The following P2RX1 variants were observed in gnomAD, a reference collection of about 807,000 sequenced individuals.
P2RX1 encodes the protein P2X purinoceptor 1.
A neutral mutation model predicts 50.3 loss-of-function variants in P2RX1; 42 were observed. The ratio of observed to expected loss-of-function variants is 0.83; its 90% CI spans 0.65 to 1.08. The LOEUF is 1.08. P2RX1 is among the 50% of genes least tolerant of loss of function. The probability of loss-of-function intolerance (pLI) is 0.00; values close to 1 mark genes in which losing one functional copy is unlikely to be tolerated. For missense variants in P2RX1, 449 were observed against 529.0 expected, an observed-to-expected ratio of 0.85 and a Z score of 1.48; for synonymous variants, 199 against 202.6, an observed-to-expected ratio of 0.98 and a Z score of 0.15.
rs758425656 is a variant in P2RX1 at position 3,904,893 on chromosome 17, C to T, written c.322G>A (p.Val108Met). Residue 108 changes from valine to methionine, a missense_variant, in exon 3 of 12, where the codon GTG becomes ATG. Physicochemically the swap from Val to Met is conservative, Grantham distance 21. Coordinates refer to ENST00000225538, the MANE Select transcript of P2RX1 (RefSeq NM_002558.4). ...NSFVVMTNFI[V>M]TPKQTQGYCA... ...TAGCCTTGAGTCTGCTTCGGGGTCA[C>T]GATGAAATTGGTCATGACCACGAAG... 43 of 1,460,344 alleles carry T rather than the reference C, an allele frequency of 2.9e-5. No homozygotes were observed. The South Asian group carries it at 3.8e-4, about 13-fold the overall frequency. The allele number at this position is 1,460,344 out of a possible 1,614,324, so 90.5% of individuals were successfully genotyped here.
At chr17:3,915,834 G>T (rs140575521) in intron 1 of P2RX1, 2 of 631,558 alleles carry the variant, frequency 3.2e-6, no homozygotes, top group Admixed American at 4.2e-5. Flanking sequence ...ATAACACTGA[G>T]CCGGCTCCTC....
chr17:3,912,394 G>A lies in P2RX1; in HGVS notation c.137+3695C>T, dbSNP rs964826185. ...TGCCCAGGCTGGAGTGCAGTGGTGC[G>A]ATCTCGGCTCACTGCCATCTCCGCC... On this transcript the variant is annotated intron_variant, in intron 1 of 11. Coordinates refer to ENST00000225538, the MANE Select transcript of P2RX1 (RefSeq NM_002558.4). 6.6e-5 allele frequency among the ~76,000 whole-genome samples: 10 copies of A among 151,726 alleles called. No individual in the cohort carries two copies. In the East Asian group the frequency reaches 1.2e-3, roughly 18 times the overall value.
At chr17:3,904,472 C>T in intron 3 of P2RX1, 73 bp from the exon 4 acceptor site, 6 of 1,352,854 alleles carry the variant, frequency 4.4e-6, no homozygotes, top group Non-Finnish European at 6.3e-6. Flanking sequence ...TCCCCACCCC[C>T]CAGGGCCCTA....
At chr17:3,915,587 A>T in intron 1 of P2RX1, 1 of 456,902 alleles carries the variant, frequency 2.2e-6, no homozygotes, top group South Asian at 1.5e-5. Context: ...GGTATTCAGA[A>T]TGTGAGAGTT....
In P2RX1 at chr17:3,897,635, G is replaced by A. The variant is rs994025793; in HGVS notation, c.*179C>T. ...CCTCAGGGTGTGTGGGGTCGGAGCC[G>A]GAGCTCAGATTTGCACAGGTCTCTC... On this transcript the variant is annotated 3_prime_UTR_variant, in exon 12 of 12. Coordinates refer to ENST00000225538, the MANE Select transcript of P2RX1 (RefSeq NM_002558.4). 16 of 649,988 alleles carry A rather than the reference G, an allele frequency of 2.5e-5. No individual in the cohort carries two copies. Among genetic ancestry groups the A allele is most frequent in the African/African-American group, 8.9e-5 (5 of 55,958 alleles). 40.3% of individuals were successfully genotyped at this position (649,988 alleles called of 1,614,324 possible).
In P2RX1 at chr17:3,903,054, G is replaced by A. The variant is rs754051521; in HGVS notation, c.747+148C>T. ...GACCTGCTGAAGACATGGATCTGAC[G>A]CTCAGGGGGCCCCAGTATCAGGGGA... On this transcript the variant is annotated intron_variant, in intron 7 of 11. Transcript: ENST00000225538. This position sits in a 1 kb window ranked among gnomAD's most constrained non-coding sequence, Gnocchi z 4.6. The A allele has an allele frequency of 2.3e-5, 24 of 1,047,366 alleles. No homozygotes were observed. The highest frequency in any genetic ancestry group is 9.7e-5 in the South Asian group (7 of 72,314). The allele number at this position is 1,047,366 out of a possible 1,614,324, so 64.9% of individuals were successfully genotyped here.
intron 8 of P2RX1, 89 bp from the exon 9 acceptor site, chr17:3,899,113 A>C: frequency 1.1e-6 from 1 of 916,088 alleles, no homozygotes; most frequent in Non-Finnish European, 1.8e-6. Flanking sequence ...CAGGAGATTT[A>C]GTGGTCTCTG....
intron 1 of P2RX1, among the ~76,000 whole-genome samples, chr17:3,911,942 C>T (rs961259437): frequency 6.6e-6 from 1 of 152,206 alleles, no homozygotes; most frequent in Non-Finnish European, 1.5e-5. Flanking sequence ...CCGACCCCGG[C>T]CAATAAGAAT....
In P2RX1 at chr17:3,909,758, A is replaced by G. The variant is rs147302241; in HGVS notation, c.138-4391T>C. Among the ~76,000 whole-genome samples, 395 of 152,230 alleles carry G rather than the reference A, an allele frequency of 2.6e-3. 1 individual carries two copies. The highest frequency in any genetic ancestry group is 8.9e-3 in the African/African-American group (369 of 41,536). ...AACACTGTTGAACAAAACAAACACAAAAGTGAACAAAACAAACAAAAATCT... is the reference window on the plus strand; with the variant it reads ...AACACTGTTGAACAAAACAAACACAGAAGTGAACAAAACAAACAAAAATCT... On this transcript the variant is annotated intron_variant, in intron 1 of 11. Transcript: ENST00000225538.
At position 3,903,066 on chromosome 17, in the gene P2RX1, C is replaced by G; in HGVS notation, c.747+136G>C. The G allele has an allele frequency of 8.0e-7, 1 of 1,250,500 alleles. No homozygotes were observed. Among genetic ancestry groups the G allele is most frequent in the South Asian group, 1.3e-5 (1 of 78,058 alleles). 77.5% of individuals were successfully genotyped at this position (1,250,500 alleles called of 1,614,324 possible). A position where few individuals can be genotyped will look rare whatever the true frequency, so the allele number is the denominator to read the frequency against. On this transcript the variant is annotated intron_variant, in intron 7 of 11. Coordinates refer to ENST00000225538, the MANE Select transcript of P2RX1 (RefSeq NM_002558.4). The surrounding 1 kb of genome is among the most constrained non-coding windows in gnomAD (Gnocchi z 4.6). ...ACATGGATCTGACGCTCAGGGGGCC[C>G]CAGTATCAGGGGACAGACCCATACA...
At chr17:3,899,322 C>T (rs1271426382) in intron 8 of P2RX1, among the ~76,000 whole-genome samples, 3 of 118,912 alleles carry the variant, frequency 2.5e-5, no homozygotes, top group Non-Finnish European at 3.6e-5. Context: ...CCCACCTCAG[C>T]CCCCCAAGAT....
At chr17:3,915,038 G>A (rs758933628) in intron 1 of P2RX1, among the ~76,000 whole-genome samples, 36 of 152,140 alleles carry the variant, frequency 2.4e-4, no homozygotes, top group Non-Finnish European at 4.4e-4. Context: ...GCCTGCCCTG[G>A]ACTCCATTTA....
At chr17:3,908,341 A>C (rs141026607) in intron 1 of P2RX1, among the ~76,000 whole-genome samples, 3,484 of 152,232 alleles carry the variant, frequency 0.023, 148 homozygotes, top group African/African-American at 0.079. Flanking sequence ...CAGGTGGATC[A>C]CCTGAGGTCA....
chr17:3,915,984 T>A, intron 1 of P2RX1, 105 bp downstream of exon 1: 4 of 1,322,502 alleles, frequency 3.0e-6, no homozygotes, highest in Non-Finnish European at 4.3e-6. Context: ...TTCCCCTGGA[T>A]GGAGAGGAAG....
In P2RX1 at chr17:3,915,480, G is replaced by A. The variant is rs542660715; in HGVS notation, c.137+609C>T. 8.5e-5 allele frequency: 39 copies of A among 456,546 alleles called. No homozygotes were observed. In the East Asian group the frequency reaches 1.9e-3, roughly 23 times the overall value. 28.3% of individuals were successfully genotyped at this position (456,546 alleles called of 1,614,324 possible). A position where few individuals can be genotyped will look rare whatever the true frequency, so the allele number is the denominator to read the frequency against. On this transcript the variant is annotated intron_variant, in intron 1 of 11. Coordinates refer to ENST00000225538, the MANE Select transcript of P2RX1 (RefSeq NM_002558.4). Reference sequence around the variant, plus strand: ...GCCTCTGATTCTGCACTCCCAGCCCGGTGGGACAGGTCCGGAGATGCCCAG... The same window carrying A: ...GCCTCTGATTCTGCACTCCCAGCCCAGTGGGACAGGTCCGGAGATGCCCAG...
chr17:3,909,152 T>C (rs1206738965), intron 1 of P2RX1, among the ~76,000 whole-genome samples: 1 of 152,096 alleles, frequency 6.6e-6, no homozygotes, highest in East Asian at 1.9e-4. Flanking sequence ...CACCTCAACC[T>C]CCCGAGTAGC....
At chr17:3,899,849 C>G in intron 7 of P2RX1, 88 bp from the exon 8 acceptor site, 1 of 1,537,562 alleles carries the variant, frequency 6.5e-7, no homozygotes, top group Non-Finnish European at 8.9e-7. Flanking sequence ...ACCTGTAATC[C>G]CAGCACTTTG....
At chr17:3,907,454 C>T (rs1396949792) in intron 1 of P2RX1, among the ~76,000 whole-genome samples, 1 of 152,066 alleles carries the variant, frequency 6.6e-6, no homozygotes. Flanking sequence ...GAGCTCAAAG[C>T]AATGGACTCC....
In P2RX1 at chr17:3,905,011, G is replaced by T. The variant is rs1038304656; in HGVS notation, c.286-82C>A. 5 of 1,176,516 alleles carry T rather than the reference G, an allele frequency of 4.2e-6. No individual in the cohort carries two copies. In the African/African-American group the frequency reaches 6.0e-5, roughly 14 times the overall value. 72.9% of individuals were successfully genotyped at this position (1,176,516 alleles called of 1,614,324 possible). ...CAAGGGCCCCACCGCTGCCCCAGCA[G>T]AGGCCCCTAGAGCCCACAGGACACG... On this transcript the variant is annotated intron_variant, in intron 2 of 11. Coordinates refer to ENST00000225538, the MANE Select transcript of P2RX1 (RefSeq NM_002558.4).
Sources: gnomAD v4.1 joint callset for allele counts (sites outside exome capture counted in the v4.1 genomes callset) on GRCh38, gnomAD v4.1.1 for gene constraint, Gnocchi (gnomAD v3.1) non-coding constraint, MANE v1.5 for transcripts, NCBI Gene and HGNC (gene_info 2026-07-23, HGNC 2026-07-21) for gene names.